AKR1A1: variants seen among roughly 807,000 people sequenced by gnomAD.
AKR1A1 encodes HEL-S-165mP.
AKR1A1 carries 26 observed loss-of-function variants against 39.2 expected under a neutral mutation model. The ratio of observed to expected loss-of-function variants is 0.66; its 90% confidence interval spans 0.49 to 0.92. AKR1A1 has a LOEUF of 0.92. Among genes scored for constraint, AKR1A1 ranks in the 40% least tolerant of loss-of-function variants. The pLI, the probability that AKR1A1 is intolerant of heterozygous loss-of-function variation, is 0.00. For synonymous variants in AKR1A1, 141 were observed against 155.5 expected (o/e 0.91, Z 0.69); for missense variants, 378 against 406.5 (o/e 0.93, Z 0.60).
rs181804004 is a variant in AKR1A1 at position 45,566,693 on chromosome 1, G to A, written c.204+5G>A. On this transcript the variant is annotated splice_donor_5th_base_variant and intron_variant, in intron 3 of 8. Coordinates refer to ENST00000351829, the MANE Select transcript of AKR1A1 (RefSeq NM_153326.3). ...GAGGACGTGGGACCAGGCAAGGTAA[G>A]GACTGGGGTTGTAAATAGAGGTGGG... The A allele has an allele frequency of 2.1e-3, 3,463 of 1,614,078 alleles. 4 individuals carry two copies. Among genetic ancestry groups the A allele is most frequent in the Non-Finnish European group, 2.7e-3 (3,175 of 1,179,982 alleles).
chr1:45,553,392 A>T (rs1176848416), intron 1 of AKR1A1, among the ~76,000 whole-genome samples: 1 of 150,498 alleles, frequency 6.6e-6, no homozygotes, highest in Non-Finnish European at 1.5e-5. Flanking sequence ...ACTGTACTCC[A>T]GCCTGGCGAC....
intron 1 of AKR1A1, among the ~76,000 whole-genome samples, chr1:45,555,213 C>T (rs1644185758): frequency 6.6e-6 from 1 of 152,266 alleles, no homozygotes; most frequent in South Asian, 2.1e-4. Flanking sequence ...ATAGGCCGGG[C>T]GTGGTAGCTC....
At chr1:45,564,453 C>T (rs1644314700) in intron 2 of AKR1A1, among the ~76,000 whole-genome samples, 1 of 152,192 alleles carries the variant, frequency 6.6e-6, no homozygotes, top group African/African-American at 2.4e-5. Context: ...TGGATTTTAG[C>T]AAAATTAACT....
rs552243853 is a variant in AKR1A1 at position 45,553,605 on chromosome 1, C to T, written c.-7+2450C>T. ...ATTAGAGCATTCTCTTTTTCTGTAG[C>T]TATTAAGTATTAACAAGATTTAAAA... On this transcript the variant is annotated intron_variant, in intron 1 of 8. Coordinates refer to ENST00000351829, the MANE Select transcript of AKR1A1 (RefSeq NM_153326.3). Among the ~76,000 whole-genome samples, 9 of 152,266 alleles carry T rather than the reference C, an allele frequency of 5.9e-5. No homozygotes were observed. The East Asian group carries it at 1.7e-3, about 29-fold the overall frequency.
At chr1:45,553,927 G>A (rs1644166692) in intron 1 of AKR1A1, among the ~76,000 whole-genome samples, 1 of 151,736 alleles carries the variant, frequency 6.6e-6, no homozygotes, top group African/African-American at 2.4e-5. Flanking sequence ...CCCGGGAGGC[G>A]GAGCTTGCAG....
intron 8 of AKR1A1, 76 bp downstream of exon 8, chr1:45,569,305 G>T (rs776870522): frequency 8.0e-7 from 1 of 1,243,632 alleles, no homozygotes; most frequent in South Asian, 1.2e-5. Flanking sequence ...GTGACCTAAG[G>T]CTTGCTGGTT....
intron 1 of AKR1A1, among the ~76,000 whole-genome samples, chr1:45,559,131 G>C (rs1644245340): frequency 2.0e-5 from 3 of 152,158 alleles, no homozygotes; most frequent in Non-Finnish European, 4.4e-5. Flanking sequence ...TGCAGCTCTT[G>C]TGCAGAATTT....
intron 7 of AKR1A1, 67 bp downstream of exon 7, chr1:45,569,066 G>A: frequency 6.2e-7 from 1 of 1,604,850 alleles, no homozygotes; most frequent in Non-Finnish European, 8.5e-7. Context: ...ACTCTACCTG[G>A]CTAAAAAGGC....
chr1:45,562,967 A>C (rs1644296913), intron 2 of AKR1A1, among the ~76,000 whole-genome samples: 1 of 152,090 alleles, frequency 6.6e-6, no homozygotes, highest in Non-Finnish European at 1.5e-5. Flanking sequence ...CAAAAAATTA[A>C]AAAAATTCGA....
rs1364081629 is a variant in AKR1A1, at chr1:45,566,747, G to A, written c.204+59G>A. 6.2e-6 allele frequency: 10 copies of A among 1,604,766 alleles called. No homozygotes were observed. In the African/African-American group the frequency reaches 9.4e-5, roughly 15 times the overall value. The stretch of plus-strand genomic sequence containing the variant: ...AGAGAACTTAGAAGCTGAAGCTAGG[G>A]CTGGGGCCCAGCTGGAGGGAATCTG... On this transcript the variant is annotated intron_variant, in intron 3 of 8. Coordinates refer to ENST00000351829, the MANE Select transcript of AKR1A1 (RefSeq NM_153326.3).
intron 1 of AKR1A1, among the ~76,000 whole-genome samples, chr1:45,552,979 G>T (rs182851088): frequency 8.5e-5 from 13 of 152,188 alleles, no homozygotes; most frequent in African/African-American, 3.1e-4. Flanking sequence ...ACAAAAAGTA[G>T]CTGGGTGTGG....
intron 1 of AKR1A1, among the ~76,000 whole-genome samples, chr1:45,551,801 G>A (rs1333050176): frequency 1.3e-5 from 2 of 152,098 alleles, no homozygotes; most frequent in South Asian, 2.1e-4. Flanking sequence ...ATTTTTTGCC[G>A]AGTATAGTAA....
intron 1 of AKR1A1, among the ~76,000 whole-genome samples, chr1:45,554,759 C>T (rs1368411557): frequency 6.6e-6 from 1 of 152,078 alleles, no homozygotes; most frequent in Non-Finnish European, 1.5e-5. Flanking sequence ...GGTGTGATTT[C>T]AGCTCATTGC....
Position 45,568,679 on chromosome 1 carries a change from G to C in AKR1A1, c.747G>C (p.Leu249Phe), listed in dbSNP as rs150526754. 9 of 1,613,326 alleles carry C rather than the reference G, an allele frequency of 5.6e-6. No individual in the cohort carries two copies. The African/African-American group carries it at 1.2e-4, about 22-fold the overall frequency. Residue 249 changes from leucine to phenylalanine, a missense_variant, in exon 6 of 9, where the codon TTG becomes TTC. Coordinates refer to ENST00000351829, the MANE Select transcript of AKR1A1 (RefSeq NM_153326.3). The stretch of plus-strand genomic sequence containing the variant: ...ATGGCCGATCTCCAGCTCAGATCTT[G>C]CTCAGGTATGGGGCAGTCTTAGGGA... Reference protein sequence around the residue: ...EKYGRSPAQILLRWQVQRKVI... With the variant: ...EKYGRSPAQIFLRWQVQRKVI...
At chr1:45,565,562 C>G (rs12239128) in intron 2 of AKR1A1, among the ~76,000 whole-genome samples, 4,291 of 152,166 alleles carry the variant, frequency 0.028, 205 homozygotes, top group African/African-American at 0.098. Context: ...CAGCCTCCCC[C>G]GCCTGGGTTC....
At chr1:45,569,350 A>C (rs1346663111) in intron 8 of AKR1A1, 121 bp downstream of exon 8, 4 of 796,746 alleles carry the variant, frequency 5.0e-6, no homozygotes, top group African/African-American at 3.4e-5. Flanking sequence ...TGGGATTGCT[A>C]TGCTGGACAT....
At chr1:45,554,290 T>C (rs547223459) in intron 1 of AKR1A1, among the ~76,000 whole-genome samples, 1 of 151,598 alleles carries the variant, frequency 6.6e-6, no homozygotes, top group Non-Finnish European at 1.5e-5. Context: ...GAGCTGGACA[T>C]CGTGGCCCAT....
chr1:45,552,937 C>T, intron 1 of AKR1A1, among the ~76,000 whole-genome samples: 1 of 151,712 alleles, frequency 6.6e-6, no homozygotes, highest in Non-Finnish European at 1.5e-5. Context: ...CCAGCCTGGC[C>T]AACATGGTGA....
chr1:45,553,857 T>C (rs1316610071), intron 1 of AKR1A1, among the ~76,000 whole-genome samples: 1 of 151,944 alleles, frequency 6.6e-6, no homozygotes, highest in Admixed American at 6.6e-5. Context: ...TAGCTGGGCA[T>C]GGTAGCGGGC....
Sources: allele counts gnomAD v4.1 joint callset (sites outside exome capture counted in the v4.1 genomes callset), GRCh38; gene constraint gnomAD v4.1.1; transcripts MANE v1.5; gene names NCBI Gene and HGNC (gene_info 2026-07-23, HGNC 2026-07-21).